Variants in CCDC60 observed in about 807,000 individuals in gnomAD.
The protein encoded by CCDC60 is coiled-coil domain-containing protein 60.
CCDC60 carries 54 observed loss-of-function variants against 63.5 expected under a neutral mutation model. The observed-to-expected ratio is 0.85, with a 90% confidence interval of 0.68 to 1.07. The LOEUF is 1.07. CCDC60 is among the 50% of genes least tolerant of loss of function. The pLI is 0.00. For synonymous variants in CCDC60, 206 were observed against 238.8 expected, an observed-to-expected ratio of 0.86 and a Z score of 1.27; for missense variants, 651 against 684.3, an observed-to-expected ratio of 0.95 and a Z score of 0.54.
At chr12:119,360,927 A>G (rs28665276) in intron 1 of CCDC60, among the ~76,000 whole-genome samples, 24,627 of 152,062 alleles carry the variant, frequency 0.16, 2,300 homozygotes, top group South Asian at 0.35. Flanking sequence ...CGCGGTTAGG[A>G]GCTGGAGACC....
intron 6 of CCDC60, 93 bp from the exon 7 acceptor site, chr12:119,504,976 T>C: frequency 1.1e-6 from 1 of 901,824 alleles, no homozygotes; most frequent in South Asian, 1.7e-5. Flanking sequence ...TTGTCTGCTG[T>C]CCCTCCCCAC....
intron 6 of CCDC60, among the ~76,000 whole-genome samples, chr12:119,502,623 T>C (rs537370850): frequency 1.6e-4 from 24 of 152,186 alleles, no homozygotes; most frequent in Non-Finnish European, 2.2e-4. Flanking sequence ...CTGGCTAGGA[T>C]GGTTAATTAA....
At chr12:119,341,202 G>C (rs1343855027) in intron 1 of CCDC60, among the ~76,000 whole-genome samples, 1 of 152,220 alleles carries the variant, frequency 6.6e-6, no homozygotes, top group Admixed American at 6.5e-5. Context: ...GTGACAGTCG[G>C]CTCTTTTCCA....
At chr12:119,436,688 A>G (rs1193210296) in intron 2 of CCDC60, among the ~76,000 whole-genome samples, 1 of 151,890 alleles carries the variant, frequency 6.6e-6, no homozygotes, top group Admixed American at 6.6e-5. Context: ...ACAGGTGTGC[A>G]CCACCTTGCC....
rs1955456307 is a variant in CCDC60 at position 119,335,063 on chromosome 12, T to G, written c.-114T>G. The stretch of plus-strand genomic sequence containing the variant: ...GCTTTGGAGTTCGTGTAATTGGGAC[T>G]TGGGGATCAGGGAGAAGTTGCCGAA... On this transcript the variant is annotated 5_prime_UTR_variant, in exon 1 of 14. Transcript: ENST00000327554. The G allele has an allele frequency of 1.3e-6, 1 of 776,422 alleles. No homozygotes were observed. Among genetic ancestry groups the G allele is most frequent in the Admixed American group, 2.6e-5 (1 of 39,036 alleles). 48.1% of individuals were successfully genotyped at this position (776,422 alleles called of 1,614,324 possible). A position where few individuals can be genotyped will look rare whatever the true frequency, so the allele number is the denominator to read the frequency against.
intron 1 of CCDC60, among the ~76,000 whole-genome samples, chr12:119,352,388 G>A (rs893482783): frequency 6.6e-6 from 1 of 152,206 alleles, no homozygotes. Flanking sequence ...TGTGCCAGGT[G>A]ATTTACAAAC....
At chr12:119,348,353 T>C (rs978665573) in intron 1 of CCDC60, among the ~76,000 whole-genome samples, 3 of 152,200 alleles carry the variant, frequency 2.0e-5, no homozygotes, top group Non-Finnish European at 4.4e-5. Context: ...TTTCACTTCC[T>C]GCCCCAACCA....
intron 1 of CCDC60, among the ~76,000 whole-genome samples, chr12:119,413,415 G>A (rs1238676443): frequency 6.6e-6 from 1 of 152,188 alleles, no homozygotes; most frequent in Admixed American, 6.5e-5. Context: ...TCGGGTCACT[G>A]ACAGTCTTGC....
intron 2 of CCDC60, among the ~76,000 whole-genome samples, chr12:119,470,581 A>C (rs1184103814): frequency 6.6e-6 from 1 of 152,242 alleles, no homozygotes; most frequent in East Asian, 1.9e-4. Flanking sequence ...AGCTCGTCTT[A>C]GCAAATAAGC....
chr12:119,523,344 G>A (rs1952581384), intron 10 of CCDC60, among the ~76,000 whole-genome samples: 1 of 152,228 alleles, frequency 6.6e-6, no homozygotes. Context: ...TGTCTTGCCT[G>A]AGGCCACACA....
Position 119,482,070 on chromosome 12 carries a change from A to G in CCDC60, c.449+2869A>G, listed in dbSNP as rs562430897. On this transcript the variant is annotated intron_variant, in intron 4 of 13. Transcript: ENST00000327554. Reference sequence around the variant, plus strand: ...ATATATGTGTGTATATATATGATGGAATACTACTCATCCATATATATATAT... The same window carrying G: ...ATATATGTGTGTATATATATGATGGGATACTACTCATCCATATATATATAT... 1.9e-4 allele frequency among the ~76,000 whole-genome samples: 25 copies of G among 130,454 alleles called. No individual in the cohort carries two copies. The South Asian group carries it at 5.7e-3, about 30-fold the overall frequency. 85.6% of individuals were successfully genotyped at this position (130,454 alleles called of 152,430 possible).
chr12:119,399,248 C>T (rs964363189), intron 1 of CCDC60, among the ~76,000 whole-genome samples: 1 of 152,138 alleles, frequency 6.6e-6, no homozygotes, highest in Admixed American at 6.5e-5. Flanking sequence ...CTGGGGTCAC[C>T]CTCTTAGTTC....
At chr12:119,346,907 C>G (rs1256229188) in intron 1 of CCDC60, among the ~76,000 whole-genome samples, 1 of 151,566 alleles carries the variant, frequency 6.6e-6, no homozygotes, top group Non-Finnish European at 1.5e-5. Context: ...TCACTGCAGC[C>G]TCTGCCTCCT....
At chr12:119,518,133 G>A (rs990300652) in intron 8 of CCDC60, among the ~76,000 whole-genome samples, 6 of 152,150 alleles carry the variant, frequency 3.9e-5, no homozygotes, top group Non-Finnish European at 8.8e-5. Context: ...CATTGGGGCT[G>A]CTCTGGAAGG....
At chr12:119,497,687 G>T (rs1188593950) in intron 5 of CCDC60, among the ~76,000 whole-genome samples, 1 of 152,070 alleles carries the variant, frequency 6.6e-6, no homozygotes, top group African/African-American at 2.4e-5. Flanking sequence ...AGGCTCAGCA[G>T]GGGCTGCGTT....
At chr12:119,370,717 T>G (rs1302961159) in intron 1 of CCDC60, among the ~76,000 whole-genome samples, 2 of 152,164 alleles carry the variant, frequency 1.3e-5, no homozygotes, top group African/African-American at 4.8e-5. Context: ...CAAAAACACT[T>G]ACTCTTCAAC....
At chr12:119,484,063 G>A (rs1013605463) in intron 4 of CCDC60, among the ~76,000 whole-genome samples, 2 of 152,002 alleles carry the variant, frequency 1.3e-5, no homozygotes, top group African/African-American at 2.4e-5. Flanking sequence ...TGAAAAGGGA[G>A]TCTCTACCCT....
At position 119,507,602 on chromosome 12, in the gene CCDC60, A is replaced by ATTT. The variant is rs1566050705; in HGVS notation, c.883+2300_883+2301insTTT. Among the ~76,000 whole-genome samples, 63 of 23,836 alleles carry ATTT rather than the reference A, an allele frequency of 2.6e-3. 1 individual carries two copies. The highest frequency in any genetic ancestry group is 8.7e-3 in the African/African-American group (32 of 3,660). 15.6% of individuals were successfully genotyped at this position (23,836 alleles called of 152,430 possible). On this transcript the variant is annotated intron_variant, in intron 7 of 13. Transcript: ENST00000327554. ...TACACATATATATACATATATATAT[A>ATTT]TATATATATATATTTTTTTTTTTTT...
intron 2 of CCDC60, among the ~76,000 whole-genome samples, chr12:119,450,613 C>T (rs957348569): frequency 2.6e-5 from 4 of 152,098 alleles, no homozygotes; most frequent in African/African-American, 9.7e-5. Flanking sequence ...AATCCCAGCA[C>T]TTTGGGAGGC....
Sources: gnomAD v4.1 joint callset for allele counts (sites outside exome capture counted in the v4.1 genomes callset) on GRCh38, gnomAD v4.1.1 for gene constraint, MANE v1.5 for transcripts, NCBI Gene and HGNC (gene_info 2026-07-23, HGNC 2026-07-21) for gene names.